Variants in TASP1 observed in about 807,000 individuals in gnomAD.
TASP1 encodes threonine aspartase 1.
TASP1 carries 16 observed loss-of-function variants against 56.6 expected under a neutral mutation model. That is an observed-to-expected ratio of 0.28 (90% confidence interval 0.19 to 0.43). The LOEUF is 0.43. TASP1 is among the 20% of genes least tolerant of loss of function. TASP1 has a pLI of 1.00. For synonymous variants in TASP1, 179 were observed against 184.2 expected (o/e 0.97, Z 0.23); for missense variants, 393 against 511.6 (o/e 0.77, Z 2.24).
the TASP1 span, among the ~76,000 whole-genome samples, chr20:13,219,626 T>C: frequency 3.3e-5 from 5 of 151,540 alleles, no homozygotes; most frequent in African/African-American, 4.9e-5. Context: ...AAGGAAAAAA[T>C]ATAGCAGACT....
intron 8 of TASP1, among the ~76,000 whole-genome samples, chr20:13,555,274 C>T (rs930588483): frequency 1.3e-5 from 2 of 150,314 alleles, no homozygotes; most frequent in Non-Finnish European, 2.9e-5. Context: ...GTCTCAGCTG[C>T]TCAGGAGGCT....
At chr20:13,576,297 GGAGAGA>G (rs766413714) in intron 6 of TASP1, among the ~76,000 whole-genome samples, 1 of 141,248 alleles carries the variant, frequency 7.1e-6, no homozygotes. Context: ...AGGAAGGGAA[GGAGAGA>G]GAGAGAGAGA....
At chr20:13,186,580 A>C in the TASP1 span, among the ~76,000 whole-genome samples, 1 of 152,326 alleles carries the variant, frequency 6.6e-6, no homozygotes, top group South Asian at 2.1e-4. Context: ...GAAAGATTAC[A>C]AAACACTCCC....
the TASP1 span, among the ~76,000 whole-genome samples, chr20:13,233,651 G>A: frequency 4.0e-4 from 59 of 148,344 alleles, 1 homozygote; most frequent in African/African-American, 1.4e-3. Flanking sequence ...CTTAGCCCAA[G>A]AAATGAATTG....
the TASP1 span, chr20:13,221,786 C>G: frequency 6.9e-7 from 1 of 1,450,718 alleles, no homozygotes; most frequent in African/African-American, 1.5e-5. Flanking sequence ...GATGGTGCGC[C>G]TGGCGGCCGA....
intron 11 of TASP1, among the ~76,000 whole-genome samples, chr20:13,478,694 C>T (rs976790534): frequency 6.6e-6 from 1 of 152,012 alleles, no homozygotes; most frequent in East Asian, 1.9e-4. Flanking sequence ...TGTAGCAAAA[C>T]TGCACTTGAA....
At chr20:13,151,042 C>T in the TASP1 span, among the ~76,000 whole-genome samples, 1 of 152,164 alleles carries the variant, frequency 6.6e-6, no homozygotes, top group Non-Finnish European at 1.5e-5. Context: ...CTGTTTCTCT[C>T]ACTAGACTAT....
chr20:13,270,063 T>C, the TASP1 span, among the ~76,000 whole-genome samples: 4 of 152,184 alleles, frequency 2.6e-5, no homozygotes, highest in African/African-American at 9.6e-5. Context: ...AAGAACTATA[T>C]CCAGCTTGGT....
intron 11 of TASP1, among the ~76,000 whole-genome samples, chr20:13,438,713 C>T (rs569862761): frequency 6.6e-6 from 1 of 152,162 alleles, no homozygotes; most frequent in African/African-American, 2.4e-5. Flanking sequence ...TCAGAGTGAA[C>T]AGGCAACCTA....
At chr20:13,451,543 T>G (rs974096270) in intron 11 of TASP1, among the ~76,000 whole-genome samples, 1 of 152,078 alleles carries the variant, frequency 6.6e-6, no homozygotes, top group Non-Finnish European at 1.5e-5. Flanking sequence ...GGCAGCTTCT[T>G]TCCTTATACC....
chr20:13,349,840 A>T, the TASP1 span, among the ~76,000 whole-genome samples: 7 of 152,352 alleles, frequency 4.6e-5, no homozygotes, highest in East Asian at 1.2e-3. Flanking sequence ...TCAAAATTTT[A>T]AAAAATAATA....
the TASP1 span, among the ~76,000 whole-genome samples, chr20:13,134,993 A>G: frequency 1.3e-5 from 2 of 152,210 alleles, no homozygotes; most frequent in African/African-American, 4.8e-5. Flanking sequence ...CATGTGCCTC[A>G]CAACAGTCAC....
chr20:13,112,001 T>C, the TASP1 span, among the ~76,000 whole-genome samples: 1 of 152,164 alleles, frequency 6.6e-6, no homozygotes, highest in Non-Finnish European at 1.5e-5. Flanking sequence ...GACTTCCAGC[T>C]CCAAGCCAGA....
intron 7 of TASP1, among the ~76,000 whole-genome samples, chr20:13,560,769 G>C (rs752460692): frequency 2.3e-4 from 35 of 152,086 alleles, no homozygotes; most frequent in Non-Finnish European, 4.4e-4. Context: ...AGAAGGAAAA[G>C]AAAGAGAGAA....
the TASP1 span, among the ~76,000 whole-genome samples, chr20:13,376,624 G>C: frequency 6.6e-6 from 1 of 152,128 alleles, no homozygotes; most frequent in Non-Finnish European, 1.5e-5. Context: ...TAAAGTCAAT[G>C]GTAGCTTGAT....
chr20:13,422,647 C>T (rs1014162216), intron 12 of TASP1, among the ~76,000 whole-genome samples: 5 of 152,142 alleles, frequency 3.3e-5, no homozygotes, highest in African/African-American at 1.2e-4. Context: ...TCTGAAACAC[C>T]AGACAGCACT....
chr20:13,107,785 T>C, the TASP1 span, among the ~76,000 whole-genome samples: 3 of 151,984 alleles, frequency 2.0e-5, no homozygotes, highest in Admixed American at 6.6e-5. Flanking sequence ...CTTTTTTTTT[T>C]TTTTGTATCT....
rs551150847 is a variant in TASP1, at chr20:13,525,504, CTAA to C, written c.874+2926_874+2928del. 3.5e-4 allele frequency among the ~76,000 whole-genome samples: 54 copies of C among 152,280 alleles called. No individual in the cohort carries two copies. The South Asian group carries it at 0.01, about 29-fold the overall frequency. On this transcript the variant is annotated intron_variant, in intron 10 of 13. Transcript: ENST00000337743. ...AAGATGCTAGAGTTTATCCCTCAGG[CTAA>C]TGACCAAATCACCCATCTGGCCTTG... is the stretch of plus-strand genomic sequence containing the variant.
intron 10 of TASP1, among the ~76,000 whole-genome samples, chr20:13,525,756 T>C (rs571801730): frequency 6.6e-5 from 10 of 152,230 alleles, no homozygotes; most frequent in Admixed American, 2.0e-4. Flanking sequence ...GTCAACTTCA[T>C]AGCAACAGCC....
Sources: allele counts gnomAD v4.1 joint callset (sites outside exome capture counted in the v4.1 genomes callset), GRCh38; gene constraint gnomAD v4.1.1; transcripts MANE v1.5; gene names NCBI Gene and HGNC (gene_info 2026-07-23, HGNC 2026-07-21).